Variants in MCU observed in about 807,000 individuals in gnomAD.
MCU encodes mitochondrial calcium uniporter, also known as calcium uniporter protein, mitochondrial.
Under a neutral mutation model 45.2 loss-of-function variants are expected in MCU, and 12 were observed. That is an observed-to-expected ratio of 0.27 (90% CI 0.17 to 0.43). The LOEUF (loss-of-function observed/expected upper bound fraction) is 0.43, where lower values mean the gene tolerates loss of function less well. Ranked by LOEUF, MCU falls within the 20% of genes least tolerant of loss-of-function variation. The pLI, the probability that MCU is intolerant of heterozygous loss-of-function variation, is 1.00. For synonymous variants in MCU, 160 were observed against 165.1 expected (o/e 0.97, Z 0.24); for missense variants, 324 against 436.7 (o/e 0.74, Z 2.30).
chr10:72,778,705 A>T (rs950722271), intron 1 of MCU, among the ~76,000 whole-genome samples: 1 of 152,216 alleles, frequency 6.6e-6, no homozygotes, highest in Non-Finnish European at 1.5e-5. Flanking sequence ...CATGCATGGA[A>T]ATAATGAAAA....
At chr10:72,763,135 G>T (rs1424952853) in intron 1 of MCU, among the ~76,000 whole-genome samples, 2 of 152,152 alleles carry the variant, frequency 1.3e-5, no homozygotes, top group African/African-American at 4.8e-5. Flanking sequence ...ACTGTGATTA[G>T]ATTGTGCCCA....
At chr10:72,839,855 T>C (rs1845020919) in intron 2 of MCU, among the ~76,000 whole-genome samples, 1 of 149,638 alleles carries the variant, frequency 6.7e-6, no homozygotes, top group Non-Finnish European at 1.5e-5. Context: ...TCCCAACTAC[T>C]CAGGAGGCTG....
intron 1 of MCU, among the ~76,000 whole-genome samples, chr10:72,746,526 T>A (rs560227141): frequency 2.0e-5 from 3 of 152,210 alleles, no homozygotes; most frequent in Non-Finnish European, 4.4e-5. Flanking sequence ...TAGAACAGTA[T>A]CCTAAGCAGC....
chr10:72,718,937 T>A (rs1009858331), intron 1 of MCU, among the ~76,000 whole-genome samples: 10 of 152,286 alleles, frequency 6.6e-5, no homozygotes, highest in African/African-American at 2.4e-4. Context: ...TAATCAATAG[T>A]GTCAGAAGTC....
At chr10:72,811,054 T>C (rs769315744) in intron 1 of MCU, among the ~76,000 whole-genome samples, 17 of 152,200 alleles carry the variant, frequency 1.1e-4, no homozygotes, top group Non-Finnish European at 1.9e-4. Context: ...AGCACATGCT[T>C]TTAGAAATAG....
chr10:72,798,182 T>C (rs1371191719), intron 1 of MCU, among the ~76,000 whole-genome samples: 1 of 152,164 alleles, frequency 6.6e-6, no homozygotes, highest in African/African-American at 2.4e-5. Context: ...AATAAAACTG[T>C]ACATAACACG....
rs1843657459 is a variant in MCU at position 72,761,586 on chromosome 10, A to G, written c.150+69285A>G. Among the ~76,000 whole-genome samples the G allele has an allele frequency of 2.0e-5, 3 of 152,222 alleles. No homozygotes were observed. The South Asian group carries it at 6.2e-4, about 31-fold the overall frequency. ...TCAACTGTGATGACTGACTTTGCCCAAATTCCAGATTTGATTAGTGGAAAG... is the reference window on the plus strand; with the variant it reads ...TCAACTGTGATGACTGACTTTGCCCGAATTCCAGATTTGATTAGTGGAAAG... On this transcript the variant is annotated intron_variant, in intron 1 of 7. Coordinates refer to ENST00000373053, the MANE Select transcript of MCU (RefSeq NM_138357.3).
At chr10:72,867,823 C>T (rs954597387) in intron 4 of MCU, among the ~76,000 whole-genome samples, 27 of 149,614 alleles carry the variant, frequency 1.8e-4, no homozygotes, top group Non-Finnish European at 2.7e-4. Flanking sequence ...CCACTGCACT[C>T]CAGCCTGGGT....
rs1842631103 is a variant in MCU, at chr10:72,692,209, G to C, written c.58G>C (p.Gly20Arg). 1.4e-5 allele frequency: 18 copies of C among 1,254,822 alleles called. No homozygotes were observed. The highest frequency in any genetic ancestry group is 2.9e-4 in the Middle Eastern group (1 of 3,490). 77.7% of individuals were successfully genotyped at this position (1,254,822 alleles called of 1,614,324 possible). A position where few individuals can be genotyped will look rare whatever the true frequency, so the allele number is the denominator to read the frequency against. Reference protein sequence around the residue: ...LLLLSSRGGGGGGAGGCGALT... With the variant: ...LLLLSSRGGGRGGAGGCGALT... ...GCTCCTCTCCTCTCGGGGCGGCGGC[G>C]GCGGGGGCGCCGGCGGCTGCGGGGC... is the stretch of plus-strand genomic sequence containing the variant. The change falls in exon 1 of 8, where the codon GGC (glycine) becomes CGC (arginine). Residue 20 changes from glycine (G) to arginine (R), a missense_variant. By Grantham distance (125) the Gly-to-Arg change is moderately radical (BLOSUM62 -2). Transcript: ENST00000373053.
intron 1 of MCU, among the ~76,000 whole-genome samples, chr10:72,712,992 C>T (rs1842913623): frequency 1.3e-5 from 2 of 152,114 alleles, no homozygotes; most frequent in Admixed American, 6.5e-5. Flanking sequence ...ACTGTCGCTA[C>T]GGCAAGCAAA....
intron 1 of MCU, among the ~76,000 whole-genome samples, chr10:72,709,697 C>A (rs1027169805): frequency 1.3e-5 from 2 of 151,912 alleles, no homozygotes; most frequent in African/African-American, 4.8e-5. Flanking sequence ...TTGTTTTAAC[C>A]CCAAAGAAAA....
intron 2 of MCU, among the ~76,000 whole-genome samples, chr10:72,843,946 T>C (rs1429945822): frequency 6.6e-6 from 1 of 152,196 alleles, no homozygotes; most frequent in African/African-American, 2.4e-5. Flanking sequence ...ACATTTTGTT[T>C]ATACATATTA....
intron 1 of MCU, among the ~76,000 whole-genome samples, chr10:72,730,142 G>A (rs954064410): frequency 6.6e-6 from 1 of 151,124 alleles, no homozygotes; most frequent in African/African-American, 2.4e-5. Flanking sequence ...TGTATTTTGA[G>A]TAGAGATGGG....
chr10:72,772,329 T>G (rs1843822687), intron 1 of MCU, among the ~76,000 whole-genome samples: 1 of 152,238 alleles, frequency 6.6e-6, no homozygotes, highest in South Asian at 2.1e-4. Context: ...AGGCAGTGGT[T>G]TGATCATTTC....
intron 1 of MCU, among the ~76,000 whole-genome samples, chr10:72,696,383 T>G (rs1185448029): frequency 1.3e-5 from 2 of 151,856 alleles, no homozygotes; most frequent in Non-Finnish European, 2.9e-5. Context: ...TGGAGACAGA[T>G]TCAATAATTC....
chr10:72,778,879 A>G (rs964796601), intron 1 of MCU, among the ~76,000 whole-genome samples: 1 of 152,218 alleles, frequency 6.6e-6, no homozygotes, highest in Non-Finnish European at 1.5e-5. Context: ...GTGGGGAAAA[A>G]AAACTTACTG....
intron 2 of MCU, among the ~76,000 whole-genome samples, chr10:72,846,332 TGCACGCGG>T (rs1401919405): frequency 6.6e-6 from 1 of 152,214 alleles, no homozygotes; most frequent in Admixed American, 6.5e-5. Context: ...TGTGAGCCAC[TGCACGCGG>T]CCCAATTAAT....
At chr10:72,717,119 C>T (rs981730008) in intron 1 of MCU, among the ~76,000 whole-genome samples, 2 of 132,022 alleles carry the variant, frequency 1.5e-5, no homozygotes, top group African/African-American at 6.2e-5. Context: ...TCCTTTCTCT[C>T]TCTCTCTCTT....
chr10:72,834,100 A>G (rs1844919071), intron 1 of MCU, among the ~76,000 whole-genome samples: 1 of 152,230 alleles, frequency 6.6e-6, no homozygotes, highest in Non-Finnish European at 1.5e-5. Context: ...ATTTTGTTTA[A>G]TGTAACATGT....
Sources: gnomAD v4.1 joint callset for allele counts (sites outside exome capture counted in the v4.1 genomes callset) on GRCh38, gnomAD v4.1.1 for gene constraint, MANE v1.5 for transcripts, NCBI Gene and HGNC (gene_info 2026-07-23, HGNC 2026-07-21) for gene names.